Variants in CYP19A1 observed in about 807,000 individuals in gnomAD.
CYP19A1 encodes aromatase.
A neutral mutation model predicts 44.4 loss-of-function variants in CYP19A1; 32 were observed. That is an observed-to-expected ratio of 0.72 (90% CI 0.54 to 0.97). The LOEUF (loss-of-function observed/expected upper bound fraction) is 0.97, where lower values mean the gene tolerates loss of function less well. Among genes scored for constraint, CYP19A1 ranks in the 50% least tolerant of loss-of-function variants. The probability of loss-of-function intolerance (pLI) is 0.00; values close to 1 mark genes in which losing one functional copy is unlikely to be tolerated. For missense variants in CYP19A1, 598 were observed against 637.8 expected (o/e 0.94, Z 0.67); for synonymous variants, 212 against 215.6 (o/e 0.98, Z 0.14).
At chr15:51,273,783 A>G (rs539621399) in intron 1 of CYP19A1, among the ~76,000 whole-genome samples, 1 of 152,322 alleles carries the variant, frequency 6.6e-6, no homozygotes, top group South Asian at 2.1e-4. Flanking sequence ...AGGTGGGTGG[A>G]TCACCTGAGG....
chr15:51,236,281 G>A (rs1203476445), intron 3 of CYP19A1, among the ~76,000 whole-genome samples: 1 of 152,140 alleles, frequency 6.6e-6, no homozygotes, highest in Non-Finnish European at 1.5e-5. Flanking sequence ...TTCAGCCAAG[G>A]TCGGCTTACC....
chr15:51,311,410 G>A (rs1056085658), intron 1 of CYP19A1, among the ~76,000 whole-genome samples: 1 of 152,206 alleles, frequency 6.6e-6, no homozygotes, highest in Non-Finnish European at 1.5e-5. Flanking sequence ...TAGATCATCA[G>A]AAATTATCCA....
intron 3 of CYP19A1, among the ~76,000 whole-genome samples, chr15:51,231,629 ACATGTGTGCG>A (rs1408726711): frequency 6.6e-6 from 1 of 151,012 alleles, no homozygotes; most frequent in Non-Finnish European, 1.5e-5. Context: ...ACATGCGCAC[ACATGTGTGCG>A]CATGTGTGTA....
intron 1 of CYP19A1, among the ~76,000 whole-genome samples, chr15:51,249,204 G>T (rs1439195689): frequency 1.3e-5 from 2 of 152,106 alleles, no homozygotes; most frequent in Non-Finnish European, 2.9e-5. Flanking sequence ...GCCTCCCAAA[G>T]AGCTGGGATT....
At chr15:51,299,161 G>T (rs2140999185) in intron 1 of CYP19A1, among the ~76,000 whole-genome samples, 1 of 152,278 alleles carries the variant, frequency 6.6e-6, no homozygotes, top group Middle Eastern at 3.4e-3. Flanking sequence ...TGTCTGAAGG[G>T]CTACTGGGCT....
intron 1 of CYP19A1, among the ~76,000 whole-genome samples, chr15:51,267,815 C>T (rs572362879): frequency 6.6e-6 from 1 of 152,338 alleles, no homozygotes; most frequent in Non-Finnish European, 1.5e-5. Flanking sequence ...TTGAAACCAG[C>T]CCTGCCGGCT....
At chr15:51,282,736 C>G (rs1339276454) in intron 1 of CYP19A1, among the ~76,000 whole-genome samples, 4 of 152,224 alleles carry the variant, frequency 2.6e-5, no homozygotes, top group Admixed American at 6.5e-5. Flanking sequence ...TGAAGGAACA[C>G]TAGAGCATGT....
intron 1 of CYP19A1, among the ~76,000 whole-genome samples, chr15:51,291,124 T>C (rs998150711): frequency 6.6e-6 from 1 of 152,136 alleles, no homozygotes; most frequent in African/African-American, 2.4e-5. Context: ...AGGCAGATCA[T>C]TAAAAACCTT....
intron 1 of CYP19A1, among the ~76,000 whole-genome samples, chr15:51,303,069 T>A (rs1310921822): frequency 6.6e-6 from 1 of 152,234 alleles, no homozygotes; most frequent in East Asian, 1.9e-4. Flanking sequence ...TCTTTCACAG[T>A]CTTCAGCCAA....
chr15:51,311,803 T>C (rs1168749356), intron 1 of CYP19A1, among the ~76,000 whole-genome samples: 1 of 152,324 alleles, frequency 6.6e-6, no homozygotes, highest in Admixed American at 6.5e-5. Context: ...ATTTTAACCC[T>C]GGCTCACTGA....
At chr15:51,303,696 C>G (rs1340318983) in intron 1 of CYP19A1, among the ~76,000 whole-genome samples, 2 of 152,140 alleles carry the variant, frequency 1.3e-5, no homozygotes, top group Non-Finnish European at 2.9e-5. Flanking sequence ...TGGCTAATAA[C>G]TGAAGAGATG....
In CYP19A1 at chr15:51,311,541, G is replaced by T. The variant is rs767977479; in HGVS notation, c.-39+26954C>A. ...CCTTAAAGGCAAGGAGAAAGAGATTGTTATAGAACAAAATATTTGAAAAAA... is the reference window on the plus strand; with the variant it reads ...CCTTAAAGGCAAGGAGAAAGAGATTTTTATAGAACAAAATATTTGAAAAAA... On this transcript the variant is annotated intron_variant, in intron 1 of 9. Transcript: ENST00000396402. 1.5e-4 allele frequency among the ~76,000 whole-genome samples: 23 copies of T among 152,228 alleles called. 1 individual carries two copies. Among genetic ancestry groups the T allele is most frequent in the Non-Finnish European group, 2.6e-4 (18 of 68,042 alleles).
In CYP19A1 at chr15:51,222,361, T is replaced by A; in HGVS notation, c.616A>T (p.Ile206Phe). The change falls in exon 5 of 10, where the codon ATC (isoleucine) becomes TTC (phenylalanine). Residue 206 changes from isoleucine (I) to phenylalanine (F), a missense_variant. Physicochemically the swap from Ile to Phe is conservative, Grantham distance 21. Transcript: ENST00000396402. ...LDTSNTLFLR[I>F]PLDESAIVVK... The stretch of plus-strand genomic sequence containing the variant: ...AAAATTTCAGTACCGTCCAAAGGGA[T>A]CCTCAAGAAGAGCGTGTTAGAGGTG... 1 of 1,614,036 alleles carries A rather than the reference T, an allele frequency of 6.2e-7. No individual in the cohort carries two copies. The highest frequency in any genetic ancestry group is 8.5e-7 in the Non-Finnish European group (1 of 1,179,994).
At chr15:51,221,875 C>T (rs1255872528) in intron 5 of CYP19A1, 1 of 174,640 alleles carries the variant, frequency 5.7e-6, no homozygotes, top group African/African-American at 2.4e-5. Context: ...ATCAGTATCA[C>T]CAGCAATATT....
intron 1 of CYP19A1, among the ~76,000 whole-genome samples, chr15:51,333,759 G>A (rs1368821896): frequency 6.6e-6 from 1 of 152,176 alleles, no homozygotes; most frequent in Non-Finnish European, 1.5e-5. Context: ...AGGCTCAGCA[G>A]ATGGGGTGTC....
In CYP19A1 at chr15:51,212,184, T is replaced by A. The variant is rs1051557344; in HGVS notation, c.1263+136A>T. The A allele has an allele frequency of 2.0e-5, 15 of 768,674 alleles. No homozygotes were observed. The African/African-American group carries it at 2.6e-4, about 13-fold the overall frequency. 47.6% of individuals were successfully genotyped at this position (768,674 alleles called of 1,614,324 possible). ...GCCCTGCTCCAAGCTAGGGGACGTGTGTGCTCCTGGTGAGGTGGCAGAGGG... is the reference window on the plus strand; with the variant it reads ...GCCCTGCTCCAAGCTAGGGGACGTGAGTGCTCCTGGTGAGGTGGCAGAGGG... On this transcript the variant is annotated intron_variant, in intron 9 of 9. Transcript: ENST00000396402.
intron 5 of CYP19A1, 131 bp from the exon 6 acceptor site, chr15:51,218,786 G>C: frequency 6.7e-7 from 1 of 1,493,262 alleles, no homozygotes; most frequent in Non-Finnish European, 8.9e-7. Flanking sequence ...AGCTCAGCAA[G>C]ATTCCATCTT....
chr15:51,335,919 G>A (rs972162501), intron 1 of CYP19A1, among the ~76,000 whole-genome samples: 3 of 152,130 alleles, frequency 2.0e-5, no homozygotes, highest in South Asian at 2.1e-4. Context: ...ATGTGGCACC[G>A]CATTGGCTTC....
At chr15:51,297,838 A>ACACACACC (rs2036029973) in intron 1 of CYP19A1, among the ~76,000 whole-genome samples, 1 of 150,370 alleles carries the variant, frequency 6.7e-6, no homozygotes, top group Admixed American at 6.6e-5. Flanking sequence ...ACACACACAC[A>ACACACACC]CACACACACA....
Sources: gnomAD v4.1 joint callset for allele counts (sites outside exome capture counted in the v4.1 genomes callset) on GRCh38, gnomAD v4.1.1 for gene constraint, MANE v1.5 for transcripts, NCBI Gene and HGNC (gene_info 2026-07-23, HGNC 2026-07-21) for gene names.